The following FGF14 variants were observed in gnomAD, a reference collection of about 807,000 sequenced individuals.
The protein encoded by FGF14 is fibroblast growth factor homologous factor 4.
FGF14 carries 5 observed loss-of-function variants against 25.5 expected under a neutral mutation model. That is an observed-to-expected ratio of 0.20 (90% CI 0.10 to 0.41). FGF14 has a LOEUF of 0.41. Among genes scored for constraint, FGF14 ranks in the 10% least tolerant of loss-of-function variants. The pLI, the probability that FGF14 is intolerant of heterozygous loss-of-function variation, is 1.00. For missense variants in FGF14, 222 were observed against 320.1 expected (o/e 0.69, Z 2.34); for synonymous variants, 138 against 118.3 (o/e 1.17, Z -1.08).
chr13:102,122,584 T>A (rs986582476), intron 1 of FGF14, among the ~76,000 whole-genome samples: 2 of 152,220 alleles, frequency 1.3e-5, no homozygotes, highest in African/African-American at 4.8e-5. Flanking sequence ...CAAATGACTC[T>A]TTGGCAGCAT....
intron 1 of FGF14, among the ~76,000 whole-genome samples, chr13:102,173,822 G>C (rs2048337098): frequency 1.3e-5 from 2 of 152,038 alleles, no homozygotes; most frequent in Admixed American, 1.3e-4. Flanking sequence ...GCTGAGGGTA[G>C]GGGTAGGGGG....
intron 1 of FGF14, among the ~76,000 whole-genome samples, chr13:102,354,401 A>G (rs1452334119): frequency 6.6e-6 from 1 of 152,202 alleles, no homozygotes; most frequent in Non-Finnish European, 1.5e-5. Context: ...ATTCAGTGAA[A>G]GGCTGATCAA....
chr13:101,917,888 G>C (rs1477208508), upstream of FGF14, among the ~76,000 whole-genome samples: 3 of 152,112 alleles, frequency 2.0e-5, no homozygotes, highest in African/African-American at 7.2e-5. Context: ...AGCTGGGTAG[G>C]ATAAACGCCC....
At chr13:102,394,625 G>C (rs967964010) in intron 1 of FGF14, 2 of 152,306 alleles carry the variant, frequency 1.3e-5, no homozygotes, top group Non-Finnish European at 2.9e-5. Context: ...CGCTTCCGCC[G>C]CATTGCGTAG....
At chr13:101,777,631 C>T (rs1220003734) in intron 3 of FGF14, among the ~76,000 whole-genome samples, 2 of 152,272 alleles carry the variant, frequency 1.3e-5, no homozygotes, top group East Asian at 1.9e-4. Flanking sequence ...CATTAATTAT[C>T]TGCTATGTGC....
At chr13:102,028,665 G>C (rs1312385741) in intron 1 of FGF14, among the ~76,000 whole-genome samples, 1 of 151,876 alleles carries the variant, frequency 6.6e-6, no homozygotes, top group Non-Finnish European at 1.5e-5. Flanking sequence ...GAGAAAATTA[G>C]GTATTATACT....
chr13:101,954,366 T>C (rs1357119337), intron 1 of FGF14, among the ~76,000 whole-genome samples: 1 of 152,234 alleles, frequency 6.6e-6, no homozygotes, highest in African/African-American at 2.4e-5. Context: ...CCTGCTCAAA[T>C]AATGTCCCTG....
chr13:102,381,109 T>C (rs550457370), intron 1 of FGF14, among the ~76,000 whole-genome samples: 1 of 152,296 alleles, frequency 6.6e-6, no homozygotes, highest in East Asian at 1.9e-4. Context: ...TTATTGAATA[T>C]TGTACTTAAA....
chr13:102,006,413 A>G (rs957143826), intron 1 of FGF14, among the ~76,000 whole-genome samples: 4 of 152,232 alleles, frequency 2.6e-5, no homozygotes, highest in African/African-American at 9.6e-5. Flanking sequence ...CCAGTTAACC[A>G]CAAGGTAGAT....
intron 3 of FGF14, among the ~76,000 whole-genome samples, chr13:101,800,401 A>G (rs561740930): frequency 6.6e-6 from 1 of 152,330 alleles, no homozygotes; most frequent in African/African-American, 2.4e-5. Flanking sequence ...TAATAATGTG[A>G]TAATATTCAT....
chr13:102,014,306 A>T (rs2040227313), intron 1 of FGF14, among the ~76,000 whole-genome samples: 1 of 152,184 alleles, frequency 6.6e-6, no homozygotes, highest in Admixed American at 6.5e-5. Context: ...ACTTTTAGTT[A>T]ATTTTTAAAT....
chr13:102,294,716 T>C lies in FGF14; in HGVS notation c.208+106755A>G, dbSNP rs2054608509. Among the ~76,000 whole-genome samples the C allele has an allele frequency of 4.6e-5, 7 of 152,260 alleles. No individual in the cohort carries two copies. In the South Asian group the frequency reaches 1.5e-3, roughly 32 times the overall value. On this transcript the variant is annotated intron_variant, in intron 1 of 4. Coordinates refer to the FGF14 transcript ENST00000376131. ...GGTCAAAATAGCTGTTTCCTTCTGATAATATTAGTGAAATTTTTCTAGTTT... is the reference window on the plus strand; with the variant it reads ...GGTCAAAATAGCTGTTTCCTTCTGACAATATTAGTGAAATTTTTCTAGTTT...
intron 1 of FGF14, among the ~76,000 whole-genome samples, chr13:102,314,407 A>G (rs41388245): frequency 1.3e-5 from 2 of 152,162 alleles, no homozygotes; most frequent in South Asian, 2.1e-4. Context: ...CGCGCTATAC[A>G]TATTTCCTGA....
At chr13:101,945,540 A>G (rs1014558940) in intron 1 of FGF14, among the ~76,000 whole-genome samples, 1 of 152,154 alleles carries the variant, frequency 6.6e-6, no homozygotes. Flanking sequence ...GACCGTGGCA[A>G]GAGGCTGAAC....
At chr13:101,745,486 A>T (rs1008940195) in intron 3 of FGF14, among the ~76,000 whole-genome samples, 1 of 152,066 alleles carries the variant, frequency 6.6e-6, no homozygotes, top group Admixed American at 6.6e-5. Flanking sequence ...TTGCCTAAAA[A>T]ATATCTGTGT....
intron 1 of FGF14, among the ~76,000 whole-genome samples, chr13:101,973,119 C>CATT (rs77590228): frequency 1.6e-5 from 2 of 127,508 alleles, no homozygotes; most frequent in Non-Finnish European, 3.5e-5. Flanking sequence ...AAGTGTGCTT[C>CATT]TTTTTTTTTT....
At chr13:101,924,765 G>A (rs1329307051) in intron 1 of FGF14, among the ~76,000 whole-genome samples, 1 of 152,180 alleles carries the variant, frequency 6.6e-6, no homozygotes, top group African/African-American at 2.4e-5. Context: ...GATTGCCAAA[G>A]TTACACAGCT....
At chr13:101,832,299 G>T (rs2042709480) in intron 3 of FGF14, among the ~76,000 whole-genome samples, 2 of 152,036 alleles carry the variant, frequency 1.3e-5, no homozygotes, top group Non-Finnish European at 1.5e-5. Flanking sequence ...GATTTGAACA[G>T]ACTGAAACTG....
At chr13:102,300,363 T>A (rs2054966873) in intron 1 of FGF14, 2 of 151,258 alleles carry the variant, frequency 1.3e-5, no homozygotes, top group Middle Eastern at 3.4e-3. Context: ...GCCTCGAGAA[T>A]CTCACCTAAT....
Sources: gnomAD v4.1 joint callset for allele counts (sites outside exome capture counted in the v4.1 genomes callset) on GRCh38, gnomAD v4.1.1 for gene constraint, MANE v1.5 for transcripts, NCBI Gene and HGNC (gene_info 2026-07-23, HGNC 2026-07-21) for gene names.